The following EPHA6 variants were observed in gnomAD, a reference collection of about 807,000 sequenced individuals.
EPHA6 encodes the protein ephrin type-A receptor 6.
Under a neutral mutation model 112.0 loss-of-function variants are expected in EPHA6, and 50 were observed. The ratio of observed to expected loss-of-function variants is 0.45; its 90% CI spans 0.36 to 0.56. The LOEUF is 0.56. EPHA6 is among the 20% of genes least tolerant of loss of function. The probability of loss-of-function intolerance (pLI) is 0.00; values close to 1 mark genes in which losing one functional copy is unlikely to be tolerated. For missense variants in EPHA6, 1,280 were observed against 1,417.4 expected (o/e 0.90, Z 1.56); for synonymous variants, 529 against 490.7 (o/e 1.08, Z -1.03).
intron 5 of EPHA6, among the ~76,000 whole-genome samples, chr3:97,403,836 C>T (rs1166410416): frequency 6.6e-6 from 1 of 152,112 alleles, no homozygotes; most frequent in Non-Finnish European, 1.5e-5. Flanking sequence ...CAGTTTCTAA[C>T]CTTGTAGTGT....
chr3:97,644,663 T>C (rs1168159836), intron 14 of EPHA6, among the ~76,000 whole-genome samples: 1 of 150,652 alleles, frequency 6.6e-6, no homozygotes, highest in African/African-American at 2.4e-5. Flanking sequence ...CAAACACCTC[T>C]ACGCAAATAA....
At chr3:97,262,531 T>G (rs2079538789) in intron 5 of EPHA6, among the ~76,000 whole-genome samples, 1 of 152,156 alleles carries the variant, frequency 6.6e-6, no homozygotes, top group Non-Finnish European at 1.5e-5. Flanking sequence ...ACAAAAGAAA[T>G]GTATGCCCAG....
intron 13 of EPHA6, among the ~76,000 whole-genome samples, chr3:97,622,025 A>G (rs2093817987): frequency 6.6e-6 from 1 of 151,848 alleles, no homozygotes; most frequent in Admixed American, 6.6e-5. Context: ...AAGAAAAATC[A>G]AGGATTTCTT....
intron 4 of EPHA6, among the ~76,000 whole-genome samples, chr3:97,230,314 A>C (rs2078487939): frequency 6.6e-6 from 1 of 152,180 alleles, no homozygotes; most frequent in African/African-American, 2.4e-5. Flanking sequence ...AAAGAAAAAT[A>C]AATATGGGCT....
At chr3:97,038,638 C>T (rs1195004684) in intron 3 of EPHA6, among the ~76,000 whole-genome samples, 1 of 152,082 alleles carries the variant, frequency 6.6e-6, no homozygotes. Flanking sequence ...CCATCATCCC[C>T]CTTTGTCTCT....
intron 7 of EPHA6, among the ~76,000 whole-genome samples, chr3:97,472,614 C>T (rs1329944681): frequency 6.6e-6 from 1 of 151,668 alleles, no homozygotes; most frequent in Non-Finnish European, 1.5e-5. Flanking sequence ...AAAAATTATC[C>T]CCATCAGGAC....
intron 7 of EPHA6, among the ~76,000 whole-genome samples, chr3:97,460,350 T>A (rs2090846209): frequency 6.6e-6 from 1 of 152,208 alleles, no homozygotes; most frequent in Non-Finnish European, 1.5e-5. Flanking sequence ...GGTTTCCTCA[T>A]GGGAAAACTA....
intron 11 of EPHA6, among the ~76,000 whole-genome samples, chr3:97,544,933 G>T (rs547977505): frequency 3.3e-5 from 5 of 151,390 alleles, no homozygotes; most frequent in Non-Finnish European, 7.4e-5. Flanking sequence ...GGAAATTTGC[G>T]TCTATTTGAT....
At chr3:96,868,141 A>G (rs2036425367) in intron 2 of EPHA6, among the ~76,000 whole-genome samples, 1 of 150,944 alleles carries the variant, frequency 6.6e-6, no homozygotes, top group Non-Finnish European at 1.5e-5. Flanking sequence ...CTTTTCTAAA[A>G]TACCTTTTGT....
chr3:97,381,631 A>G (rs1401137942), intron 5 of EPHA6, among the ~76,000 whole-genome samples: 1 of 152,172 alleles, frequency 6.6e-6, no homozygotes. Flanking sequence ...AATTATGTGC[A>G]CACTCAAAAG....
intron 3 of EPHA6, among the ~76,000 whole-genome samples, chr3:97,185,773 T>C (rs548212786): frequency 2.4e-4 from 36 of 152,224 alleles, no homozygotes; most frequent in African/African-American, 7.7e-4. Flanking sequence ...CGTATGTTTA[T>C]TGCGGCAATT....
chr3:97,268,107 A>G (rs1350321253), intron 5 of EPHA6, among the ~76,000 whole-genome samples: 1 of 152,176 alleles, frequency 6.6e-6, no homozygotes, highest in African/African-American at 2.4e-5. Context: ...TCCTGATTGC[A>G]AAGATGCCAG....
At chr3:97,331,602 G>T (rs2082802277) in intron 5 of EPHA6, among the ~76,000 whole-genome samples, 1 of 152,110 alleles carries the variant, frequency 6.6e-6, no homozygotes, top group African/African-American at 2.4e-5. Flanking sequence ...TACCATCAAA[G>T]AATACTATAA....
chr3:97,098,909 C>T (rs1350275772), intron 3 of EPHA6, among the ~76,000 whole-genome samples: 1 of 151,812 alleles, frequency 6.6e-6, no homozygotes, highest in Non-Finnish European at 1.5e-5. Context: ...CTATTATATT[C>T]TCATTAACAT....
chr3:97,723,151 G>T (rs985720964), intron 15 of EPHA6, among the ~76,000 whole-genome samples: 2 of 152,180 alleles, frequency 1.3e-5, no homozygotes, highest in African/African-American at 4.8e-5. Flanking sequence ...AATCTCTGCA[G>T]AGGTGCCAAG....
intron 5 of EPHA6, among the ~76,000 whole-genome samples, chr3:97,368,902 T>G (rs2084891990): frequency 6.6e-6 from 1 of 152,160 alleles, no homozygotes; most frequent in African/African-American, 2.4e-5. Flanking sequence ...CTCCTTGTGA[T>G]TACTATTATA....
chr3:97,534,002 T>G (rs1178334236), intron 11 of EPHA6, among the ~76,000 whole-genome samples: 1 of 152,170 alleles, frequency 6.6e-6, no homozygotes, highest in Non-Finnish European at 1.5e-5. Context: ...AAATGGTTGT[T>G]GTTTTAAGCC....
chr3:97,233,269 G>A lies in EPHA6; in HGVS notation c.1270+6850G>A, dbSNP rs116486178. Among the ~76,000 whole-genome samples, 698 of 146,432 alleles carry A rather than the reference G, an allele frequency of 4.8e-3. 8 individuals are homozygous for A. Among genetic ancestry groups the A allele is most frequent in the African/African-American group, 0.017 (649 of 39,224 alleles). On this transcript the variant is annotated intron_variant, in intron 4 of 17. Transcript: ENST00000389672. The stretch of plus-strand genomic sequence containing the variant: ...AGTGAGGTAGTCTGAATCATACTTT[G>A]ATTAGTATGGAGTGACCCTAGCAGT...
chr3:97,089,439 CT>C (rs1489935745), intron 3 of EPHA6, among the ~76,000 whole-genome samples: 2 of 151,884 alleles, frequency 1.3e-5, no homozygotes, highest in East Asian at 1.9e-4. Context: ...GATGGTGTAT[CT>C]TTCTGTATTC....
Sources: allele counts gnomAD v4.1 joint callset (sites outside exome capture counted in the v4.1 genomes callset), GRCh38; gene constraint gnomAD v4.1.1; transcripts MANE v1.5; gene names NCBI Gene and HGNC (gene_info 2026-07-23, HGNC 2026-07-21).